The following ARHGAP24 variants were observed in gnomAD, a reference collection of about 807,000 sequenced individuals.
The protein encoded by ARHGAP24 is Rho GTPase activating protein 24, also known as rho GTPase-activating protein 24.
In ARHGAP24, 50 loss-of-function variants were observed where a neutral mutation model predicts 76.4. The ratio of observed to expected loss-of-function variants is 0.65; its 90% confidence interval spans 0.52 to 0.83. ARHGAP24 has a LOEUF of 0.83. Ranked by LOEUF, ARHGAP24 falls within the 40% of genes least tolerant of loss-of-function variation. ARHGAP24 has a pLI of 0.00. For synonymous variants in ARHGAP24, 345 were observed against 323.3 expected (o/e 1.07, Z -0.72); for missense variants, 930 against 914.2 (o/e 1.02, Z -0.22).
At chr4:85,627,580 A>G (rs1374276182) in intron 2 of ARHGAP24, among the ~76,000 whole-genome samples, 1 of 152,108 alleles carries the variant, frequency 6.6e-6, no homozygotes, top group Admixed American at 6.5e-5. Context: ...TGCTGGGAGA[A>G]CCACTACTCT....
chr4:85,810,648 C>G (rs1357318394), intron 3 of ARHGAP24, among the ~76,000 whole-genome samples: 3 of 152,166 alleles, frequency 2.0e-5, no homozygotes, highest in Non-Finnish European at 4.4e-5. Flanking sequence ...TGGTACTGCA[C>G]TCTTCACATG....
At chr4:85,631,508 C>CT (rs1721158394) in intron 2 of ARHGAP24, among the ~76,000 whole-genome samples, 1 of 152,022 alleles carries the variant, frequency 6.6e-6, no homozygotes, top group Non-Finnish European at 1.5e-5. Context: ...ACTTTTCTAG[C>CT]CTTTTCTCTT....
chr4:85,679,613 G>A (rs538183206), intron 2 of ARHGAP24, among the ~76,000 whole-genome samples: 1 of 152,168 alleles, frequency 6.6e-6, no homozygotes, highest in South Asian at 2.1e-4. Context: ...TCTACTCACA[G>A]CTAATTCCAG....
chr4:85,754,103 C>G (rs1726380679), intron 3 of ARHGAP24, among the ~76,000 whole-genome samples: 1 of 152,184 alleles, frequency 6.6e-6, no homozygotes, highest in Non-Finnish European at 1.5e-5. Context: ...GGTAACCACC[C>G]AGCCTCTGGG....
At chr4:85,544,334 A>T (rs1432863655) in intron 1 of ARHGAP24, among the ~76,000 whole-genome samples, 5 of 152,166 alleles carry the variant, frequency 3.3e-5, no homozygotes, top group Non-Finnish European at 7.4e-5. Context: ...TTAAGCTTTA[A>T]TCTATTAAAT....
chr4:85,508,704 A>C (rs1724156511), intron 1 of ARHGAP24, among the ~76,000 whole-genome samples: 1 of 152,128 alleles, frequency 6.6e-6, no homozygotes, highest in Non-Finnish European at 1.5e-5. Flanking sequence ...ACCTATCTGC[A>C]TATCTTAATA....
At chr4:85,907,237 T>G (rs776562299) in intron 3 of ARHGAP24, among the ~76,000 whole-genome samples, 15 of 152,202 alleles carry the variant, frequency 9.9e-5, no homozygotes, top group Non-Finnish European at 1.6e-4. Context: ...AACCCTCCTG[T>G]GGTCAGCTTG....
At chr4:85,656,613 G>T (rs1312455493) in intron 2 of ARHGAP24, among the ~76,000 whole-genome samples, 2 of 151,990 alleles carry the variant, frequency 1.3e-5, no homozygotes, top group African/African-American at 2.4e-5. Context: ...GATTACAAGC[G>T]TGTGGCACCA....
intron 1 of ARHGAP24, among the ~76,000 whole-genome samples, chr4:85,497,245 A>G (rs898622107): frequency 1.6e-4 from 25 of 152,216 alleles, no homozygotes; most frequent in Admixed American, 4.6e-4. Flanking sequence ...CAATCAGGGT[A>G]CAAAATCATG....
intron 3 of ARHGAP24, among the ~76,000 whole-genome samples, chr4:85,753,318 A>G (rs1203554898): frequency 6.6e-6 from 1 of 152,152 alleles, no homozygotes; most frequent in Non-Finnish European, 1.5e-5. Context: ...TGGTACCATT[A>G]GAAATGTTAC....
At chr4:85,486,902 T>C (rs1723071006) in intron 1 of ARHGAP24, among the ~76,000 whole-genome samples, 1 of 151,956 alleles carries the variant, frequency 6.6e-6, no homozygotes, top group Non-Finnish European at 1.5e-5. Flanking sequence ...TCGCTCCTCC[T>C]GAACTTGTGC....
chr4:85,950,624 TTTTTTC>T (rs1212194855), intron 5 of ARHGAP24, among the ~76,000 whole-genome samples: 3 of 151,930 alleles, frequency 2.0e-5, no homozygotes, highest in Admixed American at 6.6e-5. Context: ...TATAATAATT[TTTTTTC>T]TTTTTCTTTT....
intron 2 of ARHGAP24, among the ~76,000 whole-genome samples, chr4:85,627,641 C>G (rs879521339): frequency 6.6e-6 from 1 of 152,210 alleles, no homozygotes; most frequent in Non-Finnish European, 1.5e-5. Flanking sequence ...TTACTGCTGT[C>G]TTTTTGTCTG....
Position 85,927,766 on chromosome 4 carries a change from G to A in ARHGAP24, c.391+3996G>A, listed in dbSNP as rs1203584456. On this transcript the variant is annotated intron_variant, in intron 4 of 9. Transcript: ENST00000395184. ...TCATTGTGGCAATTTTTTAACCTGT[G>A]TTTTTAAAAAGCTAAAGTTTTTCAT... 2.0e-5 allele frequency among the ~76,000 whole-genome samples: 3 copies of A among 152,118 alleles called. No homozygotes were observed. The East Asian group carries it at 5.8e-4, about 29-fold the overall frequency.
chr4:85,909,301 TG>T lies in ARHGAP24; in HGVS notation c.269-14346del, dbSNP rs200734361. The stretch of plus-strand genomic sequence containing the variant: ...GATTTATATGGGTTTTCTTTTGTTT[TG>T]TTTTTTTTAATTTGTGGTGTGTGTA... On this transcript the variant is annotated intron_variant, in intron 3 of 9. Transcript: ENST00000395184. Among the ~76,000 whole-genome samples the T allele has an allele frequency of 2.3e-3, 352 of 151,842 alleles. 3 individuals carry two copies. The highest frequency in any genetic ancestry group is 8.0e-3 in the African/African-American group (331 of 41,406).
chr4:85,874,554 C>G (rs902809710), intron 3 of ARHGAP24, among the ~76,000 whole-genome samples: 1 of 151,664 alleles, frequency 6.6e-6, no homozygotes, highest in Non-Finnish European at 1.5e-5. Context: ...AAAGCTCATC[C>G]CTGACTGCTT....
intron 3 of ARHGAP24, among the ~76,000 whole-genome samples, chr4:85,740,475 G>A (rs1331854288): frequency 4.0e-5 from 6 of 151,898 alleles, no homozygotes; most frequent in Admixed American, 2.6e-4. Flanking sequence ...TGCCTGCCTC[G>A]GCCTTATATA....
At chr4:85,784,554 C>A (rs1244241617) in intron 3 of ARHGAP24, among the ~76,000 whole-genome samples, 2 of 151,988 alleles carry the variant, frequency 1.3e-5, no homozygotes, top group Non-Finnish European at 2.9e-5. Context: ...AGCTTGGCAG[C>A]AAACTGAGCT....
At chr4:85,530,904 G>A (rs931653567) in intron 1 of ARHGAP24, among the ~76,000 whole-genome samples, 1 of 152,014 alleles carries the variant, frequency 6.6e-6, no homozygotes, top group Admixed American at 6.6e-5. Context: ...TTTTGCATTT[G>A]CATAATGTGC....
Sources: gnomAD v4.1 joint callset for allele counts (sites outside exome capture counted in the v4.1 genomes callset) on GRCh38, gnomAD v4.1.1 for gene constraint, MANE v1.5 for transcripts, NCBI Gene and HGNC (gene_info 2026-07-23, HGNC 2026-07-21) for gene names.